DTNB: variants seen among roughly 807,000 people sequenced by gnomAD.
DTNB encodes DTN-B.
Under a neutral mutation model 90.7 loss-of-function variants are expected in DTNB, and 63 were observed. That is an observed-to-expected ratio of 0.69 (90% CI 0.57 to 0.86). The LOEUF (loss-of-function observed/expected upper bound fraction) is 0.86, where lower values mean the gene tolerates loss of function less well. Ranked by LOEUF, DTNB falls within the 40% of genes least tolerant of loss-of-function variation. DTNB has a pLI of 0.00. For missense variants in DTNB, 744 were observed against 807.1 expected, an observed-to-expected ratio of 0.92 and a Z score of 0.95; for synonymous variants, 277 against 286.7, an observed-to-expected ratio of 0.97 and a Z score of 0.34.
chr2:25,610,096 T>C (rs550372823), intron 4 of DTNB, among the ~76,000 whole-genome samples: 2 of 152,298 alleles, frequency 1.3e-5, no homozygotes, highest in African/African-American at 2.4e-5. Context: ...TTAGGTGAAC[T>C]ATATTTTTTT....
chr2:25,588,616 G>T (rs1393674467), intron 6 of DTNB, among the ~76,000 whole-genome samples: 2 of 152,148 alleles, frequency 1.3e-5, no homozygotes, highest in Non-Finnish European at 2.9e-5. Flanking sequence ...ACCTGCTTCG[G>T]CCTCCCAAAG....
chr2:25,624,101 C>T (rs1457224561), intron 4 of DTNB, among the ~76,000 whole-genome samples: 2 of 152,178 alleles, frequency 1.3e-5, no homozygotes, highest in Non-Finnish European at 1.5e-5. Context: ...TAAAACCTAG[C>T]TCTCCACAAC....
intron 9 of DTNB, among the ~76,000 whole-genome samples, chr2:25,523,806 A>G (rs535838493): frequency 7.6e-4 from 115 of 151,856 alleles, no homozygotes; most frequent in African/African-American, 2.7e-3. Context: ...GATCAGATGT[A>G]TTAGGGAACT....
intron 12 of DTNB, among the ~76,000 whole-genome samples, chr2:25,446,113 G>T (rs2058384915): frequency 6.6e-6 from 1 of 152,056 alleles, no homozygotes; most frequent in East Asian, 1.9e-4. Flanking sequence ...TTGTGAGAAA[G>T]GGTCTTTATT....
intron 14 of DTNB, among the ~76,000 whole-genome samples, chr2:25,430,529 AG>A (rs960278663): frequency 8.7e-5 from 13 of 150,206 alleles, no homozygotes; most frequent in African/African-American, 2.2e-4. Context: ...TGGTGGGGGT[AG>A]GGGGTGGAGA....
chr2:25,537,320 T>C (rs1362626474), intron 8 of DTNB, among the ~76,000 whole-genome samples: 1 of 152,212 alleles, frequency 6.6e-6, no homozygotes, highest in Admixed American at 6.5e-5. Context: ...TTTTTTGCTA[T>C]ATCTGCCATT....
chr2:25,568,519 T>TA (rs755182853), intron 8 of DTNB, among the ~76,000 whole-genome samples: 4 of 151,948 alleles, frequency 2.6e-5, no homozygotes, highest in African/African-American at 7.3e-5. Context: ...ATACTTTACT[T>TA]AAAAAAAACT....
At chr2:25,546,211 G>C (rs1308091867) in intron 8 of DTNB, among the ~76,000 whole-genome samples, 1 of 152,156 alleles carries the variant, frequency 6.6e-6, no homozygotes, top group Non-Finnish European at 1.5e-5. Context: ...TGCATAAGTG[G>C]ACCAGGGTGG....
At chr2:25,396,613 A>G (rs138363929) in intron 16 of DTNB, among the ~76,000 whole-genome samples, 2,313 of 151,768 alleles carry the variant, frequency 0.015, 62 homozygotes, top group African/African-American at 0.054. Context: ...TACAGTGTAC[A>G]CTGCTTGGGT....
At chr2:25,383,783 C>T (rs768594139) in intron 19 of DTNB, 53 bp downstream of exon 19, 3 of 1,613,788 alleles carry the variant, frequency 1.9e-6, no homozygotes, top group Middle Eastern at 1.6e-4. Flanking sequence ...GGCGGCTGAT[C>T]CATGAGCTCG....
chr2:25,408,945 G>T (rs2045951430), intron 16 of DTNB, among the ~76,000 whole-genome samples: 1 of 152,170 alleles, frequency 6.6e-6, no homozygotes, highest in Non-Finnish European at 1.5e-5. Context: ...GCTGAAAGAA[G>T]ATGCTGAGGT....
chr2:25,420,924 G>A (rs1355710796), intron 15 of DTNB, among the ~76,000 whole-genome samples: 1 of 152,212 alleles, frequency 6.6e-6, no homozygotes, highest in Non-Finnish European at 1.5e-5. Context: ...TCTTTCTTCA[G>A]TTCTTTGCTA....
intron 9 of DTNB, among the ~76,000 whole-genome samples, chr2:25,503,304 CAT>C (rs1380298744): frequency 6.6e-6 from 1 of 151,470 alleles, no homozygotes; most frequent in Non-Finnish European, 1.5e-5. Context: ...CACTGGACAA[CAT>C]AGAGAGACTC....
At chr2:25,646,836 T>A (rs1000319585) in intron 2 of DTNB, among the ~76,000 whole-genome samples, 2 of 152,220 alleles carry the variant, frequency 1.3e-5, no homozygotes, top group African/African-American at 4.8e-5. Flanking sequence ...GAGGGCTGTG[T>A]CACGGGCCAT....
intron 2 of DTNB, chr2:25,639,325 G>A (rs938834865): frequency 4.0e-5 from 15 of 379,102 alleles, no homozygotes; most frequent in South Asian, 2.2e-4. Context: ...TCTGCTCATC[G>A]GAGAAAACTC....
At chr2:25,567,899 G>A (rs542044857) in intron 8 of DTNB, among the ~76,000 whole-genome samples, 1 of 152,300 alleles carries the variant, frequency 6.6e-6, no homozygotes, top group East Asian at 1.9e-4. Flanking sequence ...GGTGGCTGAC[G>A]CCTGTAATCC....
At chr2:25,504,056 T>C (rs1404730144) in intron 9 of DTNB, among the ~76,000 whole-genome samples, 2 of 152,032 alleles carry the variant, frequency 1.3e-5, no homozygotes, top group East Asian at 1.9e-4. Flanking sequence ...TCACCTGAGG[T>C]TGGGAATTCG....
intron 12 of DTNB, among the ~76,000 whole-genome samples, chr2:25,448,988 C>T (rs2058851686): frequency 6.6e-6 from 1 of 152,008 alleles, no homozygotes; most frequent in Non-Finnish European, 1.5e-5. Flanking sequence ...TTCAATATTT[C>T]CATTTCTAGA....
intron 2 of DTNB, among the ~76,000 whole-genome samples, chr2:25,646,584 C>G (rs1177933442): frequency 2.6e-5 from 4 of 152,178 alleles, no homozygotes; most frequent in Non-Finnish European, 5.9e-5. Context: ...TATTGCAACC[C>G]AGACATTCCT....
Sources: gnomAD v4.1 joint callset for allele counts (sites outside exome capture counted in the v4.1 genomes callset) on GRCh38, gnomAD v4.1.1 for gene constraint, MANE v1.5 for transcripts, NCBI Gene and HGNC (gene_info 2026-07-23, HGNC 2026-07-21) for gene names.